The following NFIB variants were observed in gnomAD, a reference collection of about 807,000 sequenced individuals.
NFIB encodes nuclear factor I B, also known as nuclear factor 1 B-type.
NFIB carries 11 observed loss-of-function variants against 61.5 expected under a neutral mutation model. The observed-to-expected ratio is 0.18, with a 90% CI of 0.11 to 0.30. The LOEUF is 0.30. NFIB is among the 10% of genes least tolerant of loss of function. The pLI, the probability that NFIB is intolerant of heterozygous loss-of-function variation, is 1.00. For missense variants in NFIB, 471 were observed against 608.9 expected, an observed-to-expected ratio of 0.77 and a Z score of 2.38; for synonymous variants, 260 against 216.5, an observed-to-expected ratio of 1.20 and a Z score of -1.76.
chr9:14,164,526 T>C (rs916624103), intron 3 of NFIB, among the ~76,000 whole-genome samples: 1 of 152,152 alleles, frequency 6.6e-6, no homozygotes, highest in Non-Finnish European at 1.5e-5. Context: ...ACCACTGCCA[T>C]ATGTAATCTG....
chr9:14,405,688 G>C, the NFIB span, among the ~76,000 whole-genome samples: 1 of 152,146 alleles, frequency 6.6e-6, no homozygotes, highest in Non-Finnish European at 1.5e-5. Context: ...AGAAACTAGA[G>C]GTGTTGAAAA....
chr9:14,504,415 T>C, the NFIB span, among the ~76,000 whole-genome samples: 72 of 152,296 alleles, frequency 4.7e-4, no homozygotes, highest in Admixed American at 3.1e-3. Flanking sequence ...AGATTGCTTT[T>C]GGCAGTACGG....
At chr9:14,407,896 C>T in the NFIB span, among the ~76,000 whole-genome samples, 19 of 152,052 alleles carry the variant, frequency 1.2e-4, no homozygotes, top group Admixed American at 3.9e-4. Context: ...TGTGTTGCCT[C>T]GGTAGGTCTT....
At chr9:14,331,653 T>A (rs1048590549) in intron 1 of NFIB, among the ~76,000 whole-genome samples, 7 of 152,226 alleles carry the variant, frequency 4.6e-5, no homozygotes, top group Non-Finnish European at 1.0e-4. Context: ...GAATATAGGC[T>A]TTCAACTTGG....
intron 8 of NFIB, among the ~76,000 whole-genome samples, chr9:14,117,462 T>C (rs984397746): frequency 6.6e-6 from 1 of 152,284 alleles, no homozygotes; most frequent in South Asian, 2.1e-4. Flanking sequence ...TCGGCAAGTA[T>C]ATAGTCTTTA....
At chr9:14,374,956 A>G (rs1265455272) in intron 1 of NFIB, among the ~76,000 whole-genome samples, 1 of 152,194 alleles carries the variant, frequency 6.6e-6, no homozygotes, top group Non-Finnish European at 1.5e-5. Context: ...TTAAAAACAA[A>G]ACAAAAAGCA....
At chr9:14,394,044 G>A (rs889329853) in intron 1 of NFIB, among the ~76,000 whole-genome samples, 3 of 152,164 alleles carry the variant, frequency 2.0e-5, no homozygotes, top group Admixed American at 1.3e-4. Context: ...ATCTGTTTAT[G>A]TATTAACTTA....
chr9:14,316,820 C>T (rs74471348), upstream of NFIB, among the ~76,000 whole-genome samples: 610 of 152,308 alleles, frequency 4.0e-3, 4 homozygotes, highest in Non-Finnish European at 6.6e-3. Flanking sequence ...GCTTTAACTA[C>T]TGCAGTTTCC....
intron 2 of NFIB, among the ~76,000 whole-genome samples, chr9:14,295,363 T>C (rs1923779): frequency 0.62 from 94,108 of 151,990 alleles, 31,060 homozygotes; most frequent in Non-Finnish European, 0.74. Context: ...CGGTGGCTCA[T>C]GCCTGTAATC....
At chr9:14,339,880 G>A (rs74769473) in intron 1 of NFIB, among the ~76,000 whole-genome samples, 3,593 of 152,278 alleles carry the variant, frequency 0.024, 128 homozygotes, top group African/African-American at 0.08. Context: ...AAAGACAGTC[G>A]TCAGTGGCAT....
chr9:14,279,045 A>T (rs2058194145), intron 2 of NFIB, among the ~76,000 whole-genome samples: 1 of 152,164 alleles, frequency 6.6e-6, no homozygotes, highest in Admixed American at 6.6e-5. Context: ...TAGGGAGAAA[A>T]ATATATGCAT....
chr9:14,365,843 C>T (rs577765376), intron 1 of NFIB, among the ~76,000 whole-genome samples: 1 of 152,172 alleles, frequency 6.6e-6, no homozygotes, highest in South Asian at 2.1e-4. Flanking sequence ...TAACGTGAGA[C>T]CAAAAACTAT....
intron 3 of NFIB, among the ~76,000 whole-genome samples, chr9:14,156,429 A>C (rs10114590): frequency 0.067 from 10,277 of 152,302 alleles, 995 homozygotes; most frequent in African/African-American, 0.22. Flanking sequence ...TATATACAGC[A>C]AATACAGAAC....
intron 2 of NFIB, chr9:14,204,404 C>A: frequency 8.8e-7 from 1 of 1,130,124 alleles, no homozygotes; most frequent in Non-Finnish European, 1.3e-6. Flanking sequence ...AGACCTCGCC[C>A]GCTTTGTGAA....
the NFIB span, among the ~76,000 whole-genome samples, chr9:14,523,409 C>G: frequency 1.3e-5 from 2 of 152,072 alleles, no homozygotes; most frequent in South Asian, 2.1e-4. Flanking sequence ...ACCCACACCT[C>G]TCCACAGTCT....
chr9:14,526,273 G>T, the NFIB span, among the ~76,000 whole-genome samples: 1 of 152,052 alleles, frequency 6.6e-6, no homozygotes, highest in Admixed American at 6.6e-5. Context: ...ATTGAGAAAT[G>T]GAAATTGTTA....
At chr9:14,192,020 C>T (rs560871760) in intron 2 of NFIB, among the ~76,000 whole-genome samples, 3 of 152,246 alleles carry the variant, frequency 2.0e-5, no homozygotes, top group Admixed American at 1.3e-4. Context: ...TTGAACTTTT[C>T]CTTGTCCACT....
chr9:14,119,728 A>G (rs968257109), intron 8 of NFIB, among the ~76,000 whole-genome samples: 1 of 152,196 alleles, frequency 6.6e-6, no homozygotes, highest in Non-Finnish European at 1.5e-5. Flanking sequence ...TGATAGCCCC[A>G]GGTCTGGCAC....
chr9:14,089,448 A>G (rs564305234), intron 10 of NFIB, among the ~76,000 whole-genome samples: 7 of 151,960 alleles, frequency 4.6e-5, no homozygotes, highest in African/African-American at 1.4e-4. Flanking sequence ...ATGGAGGATA[A>G]AAAAAATCAG....
Sources: allele counts gnomAD v4.1 joint callset (sites outside exome capture counted in the v4.1 genomes callset), GRCh38; gene constraint gnomAD v4.1.1; transcripts MANE v1.5; gene names NCBI Gene and HGNC (gene_info 2026-07-23, HGNC 2026-07-21).